The following GREM2 variants were observed in gnomAD, a reference collection of about 807,000 sequenced individuals.
The protein encoded by GREM2 is gremlin-2.
In GREM2, 11 loss-of-function variants were observed where a neutral mutation model predicts 14.2. The observed-to-expected ratio is 0.78, with a 90% CI of 0.49 to 1.28. GREM2 has a LOEUF of 1.28. GREM2 is among the 50% of genes most tolerant of loss of function. The pLI, the probability that GREM2 is intolerant of heterozygous loss-of-function variation, is 0.00. For synonymous variants in GREM2, 98 were observed against 97.6 expected, an observed-to-expected ratio of 1.00 and a Z score of -0.02; for missense variants, 210 against 218.5, an observed-to-expected ratio of 0.96 and a Z score of 0.24.
Position 240,542,568 on chromosome 1 carries a change from T to C in GREM2, c.-1-49092A>G, listed in dbSNP as rs968459913. 1.3e-5 allele frequency among the ~76,000 whole-genome samples: 2 copies of C among 151,928 alleles called. No individual in the cohort carries two copies. Among genetic ancestry groups the C allele is most frequent in the Admixed American group, 6.6e-5 (1 of 15,240 alleles). On this transcript the variant is annotated intron_variant, in intron 1 of 1. Coordinates refer to ENST00000318160, the MANE Select transcript of GREM2 (RefSeq NM_022469.4). The surrounding 1 kb of genome is among the most constrained non-coding windows in gnomAD (Gnocchi z 4.1). ...AGGCGGAGGTTGCAGTGAGCCAAGA[T>C]TGTGCCCCTGCACTCCAGCCTAGTG...
chr1:240,585,558 C>T (rs77414021), intron 1 of GREM2, among the ~76,000 whole-genome samples: 1 of 151,596 alleles, frequency 6.6e-6, no homozygotes, highest in African/African-American at 2.4e-5. Context: ...GGTGAAACCC[C>T]ATCTCTACTA....
At chr1:240,589,443 AAG>A in intron 1 of GREM2, among the ~76,000 whole-genome samples, 1 of 133,310 alleles carries the variant, frequency 7.5e-6, no homozygotes, top group African/African-American at 3.3e-5. Flanking sequence ...CTCAGAAAAA[AAG>A]AAAAAAAAAA....
chr1:240,603,708 A>G (rs1333260374), intron 1 of GREM2, among the ~76,000 whole-genome samples: 3 of 152,170 alleles, frequency 2.0e-5, no homozygotes, highest in Non-Finnish European at 2.9e-5. Context: ...TAATGTTTTT[A>G]AATTCAAAAA....
intron 1 of GREM2, among the ~76,000 whole-genome samples, chr1:240,512,540 A>T (rs1261368743): frequency 2.0e-5 from 3 of 149,728 alleles, no homozygotes; most frequent in South Asian, 2.1e-4. Context: ...ACTTATAAGC[A>T]GAGGACTTTA....
At chr1:240,510,878 T>C (rs1000105418) in intron 1 of GREM2, among the ~76,000 whole-genome samples, 5 of 152,202 alleles carry the variant, frequency 3.3e-5, no homozygotes, top group African/African-American at 1.2e-4. Context: ...TAACCAGCTT[T>C]TCTTTTTAAA....
At chr1:240,599,290 A>T (rs959564969) in intron 1 of GREM2, among the ~76,000 whole-genome samples, 1 of 151,402 alleles carries the variant, frequency 6.6e-6, no homozygotes, top group Non-Finnish European at 1.5e-5. Context: ...AAAATACAAC[A>T]ACAGTAAGTG....
At chr1:240,541,033 C>T (rs1293101689) in intron 1 of GREM2, among the ~76,000 whole-genome samples, 2 of 152,182 alleles carry the variant, frequency 1.3e-5, no homozygotes, top group Non-Finnish European at 2.9e-5. Context: ...CTGTGGAATA[C>T]CCTGCCTTCT....
At chr1:240,495,844 C>T (rs753950157) in intron 1 of GREM2, among the ~76,000 whole-genome samples, 10 of 152,148 alleles carry the variant, frequency 6.6e-5, no homozygotes, top group Non-Finnish European at 1.2e-4. Flanking sequence ...CTTTATTCAT[C>T]AAGTATCCAT....
At chr1:240,526,336 G>C (rs1678221682) in intron 1 of GREM2, among the ~76,000 whole-genome samples, 1 of 152,128 alleles carries the variant, frequency 6.6e-6, no homozygotes, top group African/African-American at 2.4e-5. Context: ...GGGTAGTTTG[G>C]GGGTGATTAT....
At chr1:240,506,518 C>G (rs1436069758) in intron 1 of GREM2, among the ~76,000 whole-genome samples, 1 of 152,026 alleles carries the variant, frequency 6.6e-6, no homozygotes, top group African/African-American at 2.4e-5. Flanking sequence ...CCAAGGAAAA[C>G]AAACATAATC....
chr1:240,593,471 G>A (rs1285421184), intron 1 of GREM2, among the ~76,000 whole-genome samples: 5 of 152,192 alleles, frequency 3.3e-5, no homozygotes, highest in Non-Finnish European at 1.5e-5. Flanking sequence ...ACCTCTCTGA[G>A]TCTCAGTATC....
chr1:240,537,648 G>A (rs1267016389), intron 1 of GREM2, among the ~76,000 whole-genome samples: 1 of 152,146 alleles, frequency 6.6e-6, no homozygotes, highest in Non-Finnish European at 1.5e-5. Context: ...AGCCGAGCAT[G>A]GTGGCGCGTG....
chr1:240,580,326 G>A (rs1371562798), intron 1 of GREM2, among the ~76,000 whole-genome samples: 2 of 152,098 alleles, frequency 1.3e-5, no homozygotes, highest in African/African-American at 4.8e-5. Context: ...ATAACTGTTA[G>A]GTTTCTGTTA....
chr1:240,513,973 C>T (rs1418671350), intron 1 of GREM2, among the ~76,000 whole-genome samples: 1 of 150,230 alleles, frequency 6.7e-6, no homozygotes, highest in African/African-American at 2.5e-5. Context: ...TAGTCCGGTG[C>T]GGTGGCTCAT....
At chr1:240,609,514 T>C (rs1292064647) in intron 1 of GREM2, among the ~76,000 whole-genome samples, 6 of 152,214 alleles carry the variant, frequency 3.9e-5, no homozygotes, top group South Asian at 2.1e-4. Context: ...TAATTTTTAA[T>C]TGAACACCTT....
At chr1:240,584,696 T>C in intron 1 of GREM2, among the ~76,000 whole-genome samples, 1 of 151,838 alleles carries the variant, frequency 6.6e-6, no homozygotes, top group Admixed American at 6.6e-5. Flanking sequence ...GGTGACAGAG[T>C]GATACCCTGT....
rs530457166 is a variant in GREM2, at chr1:240,496,000, G to A, written c.-1-2524C>T. Among the ~76,000 whole-genome samples the A allele has an allele frequency of 2.0e-5, 3 of 151,706 alleles. No homozygotes were observed. The East Asian group carries it at 5.8e-4, about 30-fold the overall frequency. ...TCACCAGGCTGGAATGCAGTGGCACGATCTCAGCTCACTGCAACCTCTGCC... is the reference window on the plus strand; with the variant it reads ...TCACCAGGCTGGAATGCAGTGGCACAATCTCAGCTCACTGCAACCTCTGCC... On this transcript the variant is annotated intron_variant, in intron 1 of 1. Coordinates refer to ENST00000318160, the MANE Select transcript of GREM2 (RefSeq NM_022469.4).
intron 1 of GREM2, among the ~76,000 whole-genome samples, chr1:240,585,066 C>T (rs547706429): frequency 6.6e-6 from 1 of 152,294 alleles, no homozygotes; most frequent in South Asian, 2.1e-4. Context: ...GTTGCAAGAC[C>T]TTTACCTTGA....
chr1:240,584,322 C>T (rs1021037879), intron 1 of GREM2, among the ~76,000 whole-genome samples: 1 of 151,756 alleles, frequency 6.6e-6, no homozygotes, highest in Non-Finnish European at 1.5e-5. Flanking sequence ...TGATAAAACC[C>T]TGTCTCCACT....
Sources: allele counts gnomAD v4.1 joint callset (sites outside exome capture counted in the v4.1 genomes callset), GRCh38; gene constraint gnomAD v4.1.1; non-coding constraint Gnocchi (gnomAD v3.1); transcripts MANE v1.5; gene names NCBI Gene and HGNC (gene_info 2026-07-23, HGNC 2026-07-21).